Variants in KPNA2 observed in about 807,000 individuals in gnomAD.
KPNA2 encodes the protein karyopherin subunit alpha 2.
KPNA2 carries 20 observed loss-of-function variants against 53.7 expected under a neutral mutation model. The observed-to-expected ratio is 0.37, with a 90% confidence interval of 0.26 to 0.54. The LOEUF is 0.54. Among genes scored for constraint, KPNA2 ranks in the 20% least tolerant of loss-of-function variants. The pLI, the probability that KPNA2 is intolerant of heterozygous loss-of-function variation, is 0.83. For missense variants in KPNA2, 515 were observed against 640.3 expected (o/e 0.80, Z 2.11); for synonymous variants, 238 against 227.5 (o/e 1.05, Z -0.42).
chr17:68,043,757 C>G, intron 7 of KPNA2, 81 bp from the exon 8 acceptor site: 3 of 845,408 alleles, frequency 3.5e-6, no homozygotes, highest in Non-Finnish European at 5.9e-6. Flanking sequence ...TGATGGGCCT[C>G]TTGTTAAAAC....
chr17:68,044,144 C>T (rs564960766), intron 8 of KPNA2, 73 bp downstream of exon 8: 67 of 1,386,220 alleles, frequency 4.8e-5, no homozygotes, highest in African/African-American at 2.9e-4. Context: ...AGCTTCTTCA[C>T]GTGCAAGAAT....
chr17:68,042,914 C>T lies in KPNA2; in HGVS notation c.581C>T (p.Ser194Leu), dbSNP rs1568276940. The stretch of plus-strand genomic sequence containing the variant: ...TTGCCTTTTTTTTCAGGTGATGGCT[C>T]AGTGTTCCGAGACTTGGTTATTAAG... ...WALGNIAGDG[S>L]VFRDLVIKYG... The change falls in exon 6 of 11, where the codon TCA becomes TTA. Residue 194 changes from serine to leucine, a missense_variant. Transcript: ENST00000330459. The T allele has an allele frequency of 6.2e-7, 1 of 1,608,112 alleles. No homozygotes were observed. The highest frequency in any genetic ancestry group is 8.5e-7 in the Non-Finnish European group (1 of 1,176,410).
At position 68,042,078 on chromosome 17, in the gene KPNA2, C is replaced by G; in HGVS notation, c.303-7C>G. 6.2e-7 allele frequency: 1 copy of G among 1,608,402 alleles called. No individual in the cohort carries two copies. Among genetic ancestry groups the G allele is most frequent in the Middle Eastern group, 1.7e-4 (1 of 6,032 alleles). ...CAACTTTTATTTCTCTTTTTGTTCC[C>G]CTTTAGGAAACTACTTTCCAGAGAA... On this transcript the variant is annotated splice_polypyrimidine_tract_variant and splice_region_variant and intron_variant, in intron 4 of 10. Transcript: ENST00000330459.
At chr17:68,038,174 A>G (rs1555704038) in intron 3 of KPNA2, among the ~76,000 whole-genome samples, 1 of 152,066 alleles carries the variant, frequency 6.6e-6, no homozygotes, top group African/African-American at 2.4e-5. Context: ...ACGGTGTTTC[A>G]ACATGTTAGC....
rs1432164527 is a variant in KPNA2 at position 68,046,802 on chromosome 17, A to G, written c.*206A>G. ...TTCTAATTTCTATGTGGAATTTCCT[A>G]TCTTGCAGCATCCTGTAAATAAACA... On this transcript the variant is annotated 3_prime_UTR_variant, in exon 11 of 11. Transcript: ENST00000330459. The G allele has an allele frequency of 2.5e-6, 1 of 404,504 alleles. No individual in the cohort carries two copies. The highest frequency in any genetic ancestry group is 4.5e-6 in the Non-Finnish European group (1 of 223,274). 25.1% of individuals were successfully genotyped at this position (404,504 alleles called of 1,614,324 possible). A position where few individuals can be genotyped will look rare whatever the true frequency, so the allele number is the denominator to read the frequency against.
Position 68,046,522 on chromosome 17 carries a change from G to A in KPNA2, c.1516G>A (p.Val506Ile), listed in dbSNP as rs144915703. ...FSVEEEEDQN[V>I]VPETTSEGYT... ...TTTCCAGGAAGAGGAAGATCAAAAC[G>A]TTGTACCAGAAACTACCTCTGAAGG... Residue 506 changes from valine (V) to isoleucine (I), a missense_variant, in exon 11 of 11, where the codon GTT becomes ATT. Coordinates refer to ENST00000330459, the MANE Select transcript of KPNA2 (RefSeq NM_002266.4). 1,895 of 1,608,092 alleles carry A rather than the reference G, an allele frequency of 1.2e-3. 24 individuals are homozygous for A. The African/African-American group carries it at 0.022, about 18-fold the overall frequency.
chr17:68,044,723 G>A (rs565075297), intron 9 of KPNA2, among the ~76,000 whole-genome samples: 26 of 152,288 alleles, frequency 1.7e-4, no homozygotes, highest in African/African-American at 5.1e-4. Context: ...GGAGTCAGGC[G>A]CTTATGTGGA....
Position 68,046,629 on chromosome 17 carries a change from C to G in KPNA2, c.*33C>G, listed in dbSNP as rs782097803. The G allele has an allele frequency of 8.4e-5, 110 of 1,316,652 alleles. No homozygotes were observed. Among genetic ancestry groups the G allele is most frequent in the Non-Finnish European group, 1.2e-4 (108 of 918,326 alleles). 81.6% of individuals were successfully genotyped at this position (1,316,652 alleles called of 1,614,324 possible). On this transcript the variant is annotated 3_prime_UTR_variant, in exon 11 of 11. Coordinates refer to ENST00000330459, the MANE Select transcript of KPNA2 (RefSeq NM_002266.4). The stretch of plus-strand genomic sequence containing the variant: ...AGCTGAGACATAAATTTGTTGTGTA[C>G]TACGTTTGGTATTTTGTCTTATTGT...
intron 1 of KPNA2, chr17:68,036,612 G>T (rs2071193027): frequency 6.4e-6 from 1 of 155,612 alleles, no homozygotes; most frequent in African/African-American, 2.4e-5. Flanking sequence ...GGACTCTGGA[G>T]TATCGAACTA....
At chr17:68,038,665 C>G (rs1165210381) in intron 3 of KPNA2, among the ~76,000 whole-genome samples, 5 of 152,086 alleles carry the variant, frequency 3.3e-5, no homozygotes, top group African/African-American at 1.2e-4. Flanking sequence ...TGCCATTGCA[C>G]TCCAGCCTGT....
Position 68,045,755 on chromosome 17 carries a change from ATTTTT to A in KPNA2, c.1348-7_1348-3del. ...CCAGAGTATATGCCAGTAAACTTGGATTTTTTTTTTTTTTAGGCTGCTGAGAAACT... is the reference window on the plus strand; with the variant it reads ...CCAGAGTATATGCCAGTAAACTTGGATTTTTTTTTAGGCTGCTGAGAAACT... On this transcript the variant is annotated splice_polypyrimidine_tract_variant and intron_variant, in intron 9 of 10. Transcript: ENST00000330459. 2.3e-6 allele frequency: 3 copies of A among 1,322,734 alleles called. No homozygotes were observed. The highest frequency in any genetic ancestry group is 3.0e-5 in the South Asian group (2 of 67,304). 81.9% of individuals were successfully genotyped at this position (1,322,734 alleles called of 1,614,324 possible). A position where few individuals can be genotyped will look rare whatever the true frequency, so the allele number is the denominator to read the frequency against.
intron 3 of KPNA2, among the ~76,000 whole-genome samples, chr17:68,037,915 C>T (rs1555703999): frequency 6.6e-6 from 1 of 152,062 alleles, no homozygotes; most frequent in Non-Finnish European, 1.5e-5. Flanking sequence ...TCTCCTGCCA[C>T]AGCCTCCTGA....
chr17:68,040,631 T>C (rs782138753), intron 3 of KPNA2, 47 bp from the exon 4 acceptor site: 1 of 1,260,500 alleles, frequency 7.9e-7, no homozygotes, highest in South Asian at 1.2e-5. Context: ...TTTTATTGTT[T>C]GTATTTAATC....
chr17:68,037,256 A>T (rs781957273), intron 2 of KPNA2, 49 bp downstream of exon 2: 1 of 1,586,860 alleles, frequency 6.3e-7, no homozygotes, highest in East Asian at 2.2e-5. Context: ...ATGGGAAGAC[A>T]TTTGGAAAGG....
chr17:68,042,244 A>G lies in KPNA2; in HGVS notation c.462A>G (p.Gln154=), dbSNP rs2071269076. The G allele has an allele frequency of 6.2e-7, 1 of 1,614,058 alleles. No homozygotes were observed. The highest frequency in any genetic ancestry group is 8.5e-7 in the Non-Finnish European group (1 of 1,180,042). The change falls in exon 5 of 11, where the codon CAA becomes CAG. Residue 154 remains glutamine (Q), a synonymous_variant. Coordinates refer to ENST00000330459, the MANE Select transcript of KPNA2 (RefSeq NM_002266.4). ...LTNIASGTSE[Q]TKAVVDGGAI... The stretch of plus-strand genomic sequence containing the variant: ...ACATTGCTTCTGGGACATCAGAACA[A>G]ACCAAGGCTGTGGTAGATGGAGGTG...
At position 68,043,154 on chromosome 17, in the gene KPNA2, A is replaced by G; in HGVS notation, c.721A>G (p.Asn241Asp). 6.2e-7 allele frequency: 1 copy of G among 1,614,108 alleles called. No homozygotes were observed. Among genetic ancestry groups the G allele is most frequent in the Non-Finnish European group, 8.5e-7 (1 of 1,180,016 alleles). ...WTLSNLCRNKNPAPPIDAVEQ... is the reference protein window; with the variant it reads ...WTLSNLCRNKDPAPPIDAVEQ... ...ACTTTCTAATCTTTGCCGCAACAAG[A>G]ATCCTGCACCCCCGATAGATGCTGT... The change falls in exon 7 of 11, where the codon AAT becomes GAT. Residue 241 changes from asparagine (N) to aspartate (D), a missense_variant. Transcript: ENST00000330459.
chr17:68,046,557 C>G lies in KPNA2; in HGVS notation c.1551C>G (p.Phe517Leu). ...AAACTACCTCTGAAGGCTACACTTTCCAAGTTCAGGATGGGGCTCCTGGGA... is the reference window on the plus strand; with the variant it reads ...AAACTACCTCTGAAGGCTACACTTTGCAAGTTCAGGATGGGGCTCCTGGGA... ...VPETTSEGYT[F>L]QVQDGAPGTF... The change falls in exon 11 of 11, where the codon TTC (phenylalanine) becomes TTG (leucine). Residue 517 changes from phenylalanine to leucine, a missense_variant. By Grantham distance (22) the Phe-to-Leu change is conservative (BLOSUM62 0). Coordinates refer to ENST00000330459, the MANE Select transcript of KPNA2 (RefSeq NM_002266.4). 3.1e-6 allele frequency: 5 copies of G among 1,612,260 alleles called. No homozygotes were observed. The highest frequency in any genetic ancestry group is 4.2e-6 in the Non-Finnish European group (5 of 1,178,640).
chr17:68,042,090 T>G lies in KPNA2; in HGVS notation c.308T>G (p.Leu103Arg), dbSNP rs1568276476. 1 of 1,612,154 alleles carries G rather than the reference T, an allele frequency of 6.2e-7. No homozygotes were observed. Among genetic ancestry groups the G allele is most frequent in the Non-Finnish European group, 8.5e-7 (1 of 1,178,370 alleles). Residue 103 changes from leucine (L) to arginine (R), a missense_variant, in exon 5 of 11, where the codon CTA becomes CGA. By Grantham distance (102) the Leu-to-Arg change is moderately radical. Coordinates refer to ENST00000330459, the MANE Select transcript of KPNA2 (RefSeq NM_002266.4). Reference sequence around the variant, plus strand: ...CTCTTTTTGTTCCCCTTTAGGAAACTACTTTCCAGAGAAAAACAGCCCCCC... The same window carrying G: ...CTCTTTTTGTTCCCCTTTAGGAAACGACTTTCCAGAGAAAAACAGCCCCCC... ...QLQATQAARKLLSREKQPPID... is the reference protein window; with the variant it reads ...QLQATQAARKRLSREKQPPID...
At chr17:68,039,350 A>G (rs1599139358) in intron 3 of KPNA2, among the ~76,000 whole-genome samples, 1 of 151,176 alleles carries the variant, frequency 6.6e-6, no homozygotes, top group African/African-American at 2.4e-5. Flanking sequence ...CGAACTCCTG[A>G]CCTCAGGTGA....
Sources: gnomAD v4.1 joint callset for allele counts (sites outside exome capture counted in the v4.1 genomes callset) on GRCh38, gnomAD v4.1.1 for gene constraint, MANE v1.5 for transcripts, NCBI Gene and HGNC (gene_info 2026-07-23, HGNC 2026-07-21) for gene names.